The following CSMD1 variants were observed in gnomAD, a reference collection of about 807,000 sequenced individuals.
The protein encoded by CSMD1 is CUB and Sushi multiple domains 1, also known as CUB and sushi domain-containing protein 1.
A neutral mutation model predicts 417.5 loss-of-function variants in CSMD1; 213 were observed. The observed-to-expected ratio is 0.51, with a 90% confidence interval of 0.46 to 0.57. The LOEUF (loss-of-function observed/expected upper bound fraction) is 0.57. Among genes scored for constraint, CSMD1 ranks in the 20% least tolerant of loss-of-function variants. The pLI, the probability that CSMD1 is intolerant of heterozygous loss-of-function variation, is 0.00. For synonymous variants in CSMD1, 2,862 were observed against 1,736.8 expected (o/e 1.65, Z -16.11); for missense variants, 6,923 against 4,529.7 (o/e 1.53, Z -15.17).
At chr8:3,262,184 AATATATATATATATATAT>A (rs201972449) in intron 26 of CSMD1, among the ~76,000 whole-genome samples, 72 of 63,176 alleles carry the variant, frequency 1.1e-3, no homozygotes, top group Middle Eastern at 9.3e-3. Flanking sequence ...TGCTCATATG[AATATATATATATATATAT>A]ATATATATAT....
At chr8:3,835,332 C>G (rs1200301668) in intron 5 of CSMD1, among the ~76,000 whole-genome samples, 1 of 152,070 alleles carries the variant, frequency 6.6e-6, no homozygotes, top group Non-Finnish European at 1.5e-5. Flanking sequence ...TGTCCAACAA[C>G]GACAGACTGG....
chr8:3,083,937 T>C (rs555386240), intron 49 of CSMD1, among the ~76,000 whole-genome samples: 70 of 152,104 alleles, frequency 4.6e-4, no homozygotes, highest in African/African-American at 1.5e-3. Flanking sequence ...ATGCTTGGAA[T>C]ACAGGTGTCA....
chr8:4,623,203 A>T (rs939566331), intron 2 of CSMD1, among the ~76,000 whole-genome samples: 1 of 152,160 alleles, frequency 6.6e-6, no homozygotes, highest in Non-Finnish European at 1.5e-5. Context: ...TACTTCACCA[A>T]GGAAGATATC....
At chr8:4,913,114 G>T (rs10090291) in intron 1 of CSMD1, among the ~76,000 whole-genome samples, 38,842 of 152,004 alleles carry the variant, frequency 0.26, 5,547 homozygotes, top group East Asian at 0.52. Flanking sequence ...AAAAAAAATC[G>T]TGAGGGATCA....
chr8:3,579,311 G>A (rs1252500846), intron 9 of CSMD1, among the ~76,000 whole-genome samples: 1 of 150,792 alleles, frequency 6.6e-6, no homozygotes, highest in Non-Finnish European at 1.5e-5. Context: ...TATAAAATAG[G>A]TTTGTTTCAT....
intron 2 of CSMD1, among the ~76,000 whole-genome samples, chr8:4,589,791 C>A (rs564028478): frequency 6.6e-6 from 1 of 152,244 alleles, no homozygotes; most frequent in African/African-American, 2.4e-5. Flanking sequence ...AAATATATAT[C>A]TTTGCCATGT....
chr8:3,406,438 T>G (rs1812347275), intron 14 of CSMD1, among the ~76,000 whole-genome samples: 1 of 152,172 alleles, frequency 6.6e-6, no homozygotes, highest in African/African-American at 2.4e-5. Flanking sequence ...CAAATATAAC[T>G]ATCATTTATG....
intron 31 of CSMD1, among the ~76,000 whole-genome samples, chr8:3,203,452 C>G (rs73660612): frequency 6.6e-6 from 1 of 152,114 alleles, no homozygotes; most frequent in South Asian, 2.1e-4. Context: ...GCTTCAGCCG[C>G]GGGAACTGTC....
chr8:3,384,812 A>ATATTATAT (rs1810887226), intron 18 of CSMD1, among the ~76,000 whole-genome samples: 1 of 122,506 alleles, frequency 8.2e-6, no homozygotes, highest in African/African-American at 3.2e-5. Context: ...TTTATATATA[A>ATATTATAT]ATATATAATT....
chr8:4,460,240 C>T (rs576690890), intron 2 of CSMD1, among the ~76,000 whole-genome samples: 10 of 151,214 alleles, frequency 6.6e-5, no homozygotes, highest in South Asian at 6.4e-4. Context: ...TTCTAAAAAC[C>T]CAAAGGAGTT....
chr8:3,341,740 G>A (rs1186325958), intron 23 of CSMD1, among the ~76,000 whole-genome samples: 3 of 152,136 alleles, frequency 2.0e-5, no homozygotes, highest in African/African-American at 4.8e-5. Flanking sequence ...AACGCCGTAG[G>A]TGTGCATGGA....
At chr8:4,652,471 A>G (rs1803956102) in intron 1 of CSMD1, among the ~76,000 whole-genome samples, 1 of 152,042 alleles carries the variant, frequency 6.6e-6, no homozygotes, top group Non-Finnish European at 1.5e-5. Context: ...AGCCTACCAG[A>G]AAGAACCACT....
intron 8 of CSMD1, among the ~76,000 whole-genome samples, chr8:3,609,679 G>A (rs979058617): frequency 4.4e-4 from 66 of 151,312 alleles, no homozygotes; most frequent in Middle Eastern, 6.8e-3. Flanking sequence ...TACGCATCTT[G>A]GCCTTGTTGG....
chr8:3,918,388 A>C (rs1218722120), intron 5 of CSMD1, among the ~76,000 whole-genome samples: 1 of 152,140 alleles, frequency 6.6e-6, no homozygotes, highest in East Asian at 1.9e-4. Flanking sequence ...TGGCCATCTT[A>C]ACAAATATCA....
At chr8:3,948,303 G>T (rs1284299672) in intron 5 of CSMD1, among the ~76,000 whole-genome samples, 1 of 152,144 alleles carries the variant, frequency 6.6e-6, no homozygotes, top group East Asian at 1.9e-4. Context: ...ATGTTAGTCT[G>T]CATTTGAAGA....
chr8:4,726,744 G>T (rs1285506864), intron 1 of CSMD1, among the ~76,000 whole-genome samples: 2 of 152,076 alleles, frequency 1.3e-5, no homozygotes, highest in Non-Finnish European at 2.9e-5. Context: ...GCATGGGCTG[G>T]GTTATGACTG....
rs574576580 is a variant in CSMD1 at position 4,363,434 on chromosome 8, C to T, written c.415+56519G>A. ...GGCCTCCAGGATTTTATTCCTGCTCCCCTCATTTAGGGTCTTTCCAGCTCT... is the reference window on the plus strand; with the variant it reads ...GGCCTCCAGGATTTTATTCCTGCTCTCCTCATTTAGGGTCTTTCCAGCTCT... On this transcript the variant is annotated intron_variant, in intron 3 of 69. Coordinates refer to ENST00000635120, the MANE Select transcript of CSMD1 (RefSeq NM_033225.6). 3.9e-5 allele frequency among the ~76,000 whole-genome samples: 6 copies of T among 152,272 alleles called. No individual in the cohort carries two copies. The South Asian group carries it at 1.2e-3, about 32-fold the overall frequency.
intron 3 of CSMD1, among the ~76,000 whole-genome samples, chr8:4,106,418 C>A (rs1212807702): frequency 6.6e-6 from 1 of 152,128 alleles, no homozygotes; most frequent in East Asian, 1.9e-4. Flanking sequence ...CAAGTCATTT[C>A]CATATCAAAC....
chr8:3,429,039 G>C (rs986239087), intron 12 of CSMD1, among the ~76,000 whole-genome samples: 1 of 152,142 alleles, frequency 6.6e-6, no homozygotes, highest in Non-Finnish European at 1.5e-5. Flanking sequence ...ACTGGGGGAG[G>C]CAGGAGGACA....
Sources: allele counts gnomAD v4.1 joint callset (sites outside exome capture counted in the v4.1 genomes callset), GRCh38; gene constraint gnomAD v4.1.1; transcripts MANE v1.5; gene names NCBI Gene and HGNC (gene_info 2026-07-23, HGNC 2026-07-21).